Variants in SCN3A observed in about 807,000 individuals in gnomAD.
SCN3A encodes the protein sodium channel protein type 3 subunit alpha.
In SCN3A, 60 loss-of-function variants were observed where a neutral mutation model predicts 187.6. The observed-to-expected ratio is 0.32, with a 90% CI of 0.26 to 0.40. The LOEUF is 0.40. SCN3A is among the 10% of genes least tolerant of loss of function. The probability of loss-of-function intolerance (pLI) is 1.00; values close to 1 mark genes in which losing one functional copy is unlikely to be tolerated. For synonymous variants in SCN3A, 788 were observed against 829.2 expected, an observed-to-expected ratio of 0.95 and a Z score of 0.85; for missense variants, 1,601 against 2,428.2, an observed-to-expected ratio of 0.66 and a Z score of 7.16.
chr2:165,122,085 T>G (rs182320193), intron 18 of SCN3A, among the ~76,000 whole-genome samples: 1 of 152,246 alleles, frequency 6.6e-6, no homozygotes, highest in Admixed American at 6.5e-5. Context: ...TAAGTTACAA[T>G]GATCACTATG....
intron 2 of SCN3A, among the ~76,000 whole-genome samples, chr2:165,177,262 T>C (rs939763217): frequency 3.9e-5 from 6 of 152,190 alleles, no homozygotes; most frequent in Admixed American, 3.3e-4. Flanking sequence ...GTTAAAAGCA[T>C]GGACTCAGGT....
At chr2:165,195,916 T>C (rs930328277) in intron 1 of SCN3A, among the ~76,000 whole-genome samples, 1 of 152,142 alleles carries the variant, frequency 6.6e-6, no homozygotes, top group African/African-American at 2.4e-5. Context: ...ACCCTTTCCT[T>C]TTCAAAATGT....
intron 22 of SCN3A, among the ~76,000 whole-genome samples, chr2:165,099,998 T>G (rs3816195): frequency 0.18 from 26,762 of 152,148 alleles, 2,727 homozygotes; most frequent in South Asian, 0.27. Flanking sequence ...AGTAGTCATT[T>G]CAAGGGGTGT....
chr2:165,145,409 TG>T (rs1322061120), intron 12 of SCN3A, among the ~76,000 whole-genome samples: 1 of 152,128 alleles, frequency 6.6e-6, no homozygotes, highest in Admixed American at 6.6e-5. Flanking sequence ...ATTTTATATT[TG>T]TATTACACAA....
intron 21 of SCN3A, among the ~76,000 whole-genome samples, chr2:165,103,494 C>A (rs1396405631): frequency 6.6e-6 from 1 of 152,034 alleles, no homozygotes; most frequent in Admixed American, 6.6e-5. Flanking sequence ...TATGAGATAC[C>A]CATTTCCAAA....
intron 15 of SCN3A, among the ~76,000 whole-genome samples, chr2:165,132,899 A>G (rs1269287682): frequency 6.6e-6 from 1 of 152,230 alleles, no homozygotes; most frequent in Non-Finnish European, 1.5e-5. Context: ...AAGGGCTAAT[A>G]TCCAGAATCT....
chr2:165,113,685 G>T, intron 20 of SCN3A, 131 bp downstream of exon 20: 1 of 952,970 alleles, frequency 1.0e-6, no homozygotes, highest in Non-Finnish European at 1.7e-6. Flanking sequence ...GTTAAACCTT[G>T]GGTGCCAAGC....
intron 11 of SCN3A, among the ~76,000 whole-genome samples, chr2:165,153,988 T>TTTTTTTTC (rs1688858627): frequency 4.4e-5 from 1 of 22,768 alleles, no homozygotes; most frequent in Non-Finnish European, 9.8e-5. Context: ...ATAGCAAACA[T>TTTTTTTTC]TTTTTTTTTT....
chr2:165,156,664 A>G (rs537307585), intron 9 of SCN3A, among the ~76,000 whole-genome samples: 47 of 152,174 alleles, frequency 3.1e-4, no homozygotes, highest in South Asian at 1.0e-3. Context: ...ATTTACAGAA[A>G]AAGTATGAGG....
Position 165,113,960 on chromosome 2 carries a change from T to G in SCN3A, c.3525A>C (p.Lys1175Asn), listed in dbSNP as rs758604346. The G allele has an allele frequency of 1.3e-5, 20 of 1,588,294 alleles. No homozygotes were observed. Among genetic ancestry groups the G allele is most frequent in the Admixed American group, 6.7e-5 (4 of 59,438 alleles). ...PEACFTEGCI[K>N]KFPFCQVSTE... ...TACTTACTTGACAGAATGGAAACTT[T>G]TTAATACATCCTAAAAATCAAATAT... Residue 1175 changes from lysine (K) to asparagine (N), a missense_variant, in exon 20 of 28, where the codon AAA (lysine) becomes AAC (asparagine). Coordinates refer to ENST00000283254, the MANE Select transcript of SCN3A (RefSeq NM_006922.4).
At chr2:165,158,680 T>G (rs1207206379) in intron 9 of SCN3A, among the ~76,000 whole-genome samples, 1 of 138,162 alleles carries the variant, frequency 7.2e-6, no homozygotes, top group Admixed American at 7.5e-5. Context: ...GAGGTTGGCT[T>G]TTTCTCACTT....
intron 21 of SCN3A, among the ~76,000 whole-genome samples, chr2:165,112,544 T>C (rs73019877): frequency 0.023 from 3,516 of 152,302 alleles, 128 homozygotes; most frequent in African/African-American, 0.08. Flanking sequence ...TGTTTGTTTT[T>C]TTAAACTGAA....
chr2:165,176,351 C>T lies in SCN3A; in HGVS notation c.44G>A (p.Arg15His), dbSNP rs139769668. 257 of 1,613,996 alleles carry T rather than the reference C, an allele frequency of 1.6e-4. 1 individual carries two copies. In the African/African-American group the frequency reaches 1.8e-3, roughly 11 times the overall value. ...LLVPPGPESF[R>H]LFTRESLAAI... ...AGCAAGAGATTCTCTAGTAAAAAGG[C>T]GGAAGCTTTCAGGTCCTGGGGGTAC... Residue 15 changes from arginine (R) to histidine (H), a missense_variant, in exon 3 of 28, where the codon CGC becomes CAC. Physicochemically the swap from Arg to His is conservative, Grantham distance 29. Around this residue, in one of 11 missense-constraint regions of SCN3A, gnomAD observed 74 missense variants for 77.7 expected, o/e 0.95. Coordinates refer to ENST00000283254, the MANE Select transcript of SCN3A (RefSeq NM_006922.4).
At chr2:165,182,520 C>T (rs1016963723) in intron 2 of SCN3A, among the ~76,000 whole-genome samples, 23 of 152,146 alleles carry the variant, frequency 1.5e-4, no homozygotes, top group African/African-American at 4.6e-4. Context: ...AGAAAAACCA[C>T]AGCCAGAGGA....
chr2:165,167,957 A>G (rs889613526), intron 5 of SCN3A, among the ~76,000 whole-genome samples: 22 of 152,142 alleles, frequency 1.4e-4, no homozygotes, highest in African/African-American at 5.1e-4. Flanking sequence ...TTTTGATGAA[A>G]TCATACAAAT....
intron 2 of SCN3A, among the ~76,000 whole-genome samples, chr2:165,182,974 CAA>C (rs745609592): frequency 1.5e-4 from 13 of 87,014 alleles, no homozygotes; most frequent in Non-Finnish European, 8.3e-5. Flanking sequence ...AAGACCTTGT[CAA>C]AAAAAAAAAA....
At chr2:165,169,827 T>C (rs1689998038) in intron 4 of SCN3A, among the ~76,000 whole-genome samples, 1 of 151,946 alleles carries the variant, frequency 6.6e-6, no homozygotes, top group African/African-American at 2.4e-5. Flanking sequence ...CTTTTACATA[T>C]GCTTTTTGAC....
At chr2:165,096,229 A>T (rs1418683920) in intron 24 of SCN3A, among the ~76,000 whole-genome samples, 3 of 152,108 alleles carry the variant, frequency 2.0e-5, no homozygotes, top group African/African-American at 7.2e-5. Flanking sequence ...AGTCTCATTT[A>T]CTGGACCAAT....
intron 27 of SCN3A, 96 bp from the exon 28 acceptor site, chr2:165,091,441 A>G: frequency 7.1e-7 from 1 of 1,403,574 alleles, no homozygotes; most frequent in East Asian, 2.3e-5. Flanking sequence ...CAAACTTGTT[A>G]TGAATATGAG....
Sources: allele counts gnomAD v4.1 joint callset (sites outside exome capture counted in the v4.1 genomes callset), GRCh38; gene constraint gnomAD v4.1.1; regional missense constraint gnomAD v4.1.1; transcripts MANE v1.5; gene names NCBI Gene and HGNC (gene_info 2026-07-23, HGNC 2026-07-21).